Variants in CPNE7 observed in about 807,000 individuals in gnomAD.
CPNE7 encodes the protein copine-7.
CPNE7 carries 78 observed loss-of-function variants against 66.5 expected under a neutral mutation model. That is an observed-to-expected ratio of 1.17 (90% CI 0.98 to 1.42). The LOEUF is 1.42. Ranked by LOEUF, CPNE7 falls within the 40% of genes most tolerant of loss-of-function variation. CPNE7 has a pLI of 0.00. For synonymous variants in CPNE7, 468 were observed against 336.7 expected, an observed-to-expected ratio of 1.39 and a Z score of -4.27; for missense variants, 1,012 against 776.6, an observed-to-expected ratio of 1.30 and a Z score of -3.60.
intron 3 of CPNE7, 53 bp downstream of exon 3, chr16:89,583,824 A>C: frequency 6.3e-7 from 1 of 1,596,882 alleles, no homozygotes; most frequent in South Asian, 1.1e-5. Context: ...TGTGGCTCCG[A>C]GGGGTGTTGT....
Position 89,586,758 on chromosome 16 carries a change from TGA to T in CPNE7, c.867+6_867+7del, listed in dbSNP as rs776150731. 1.9e-6 allele frequency: 3 copies of T among 1,611,016 alleles called. No individual in the cohort carries two copies. In the African/African-American group the frequency reaches 4.0e-5, roughly 22 times the overall value. ...GTGGTCGTCCTGGCTGACCTCAAGGTGAGAGGTGGCTGTGCCCGAAGCCTCCC... is the reference window on the plus strand; with the variant it reads ...GTGGTCGTCCTGGCTGACCTCAAGGTGAGGTGGCTGTGCCCGAAGCCTCCC... On this transcript the variant is annotated splice_donor_region_variant and intron_variant, in intron 8 of 14. Transcript: ENST00000319518.
At chr16:89,593,203 A>T (rs903174334) in intron 13 of CPNE7, among the ~76,000 whole-genome samples, 1 of 152,118 alleles carries the variant, frequency 6.6e-6, no homozygotes, top group Non-Finnish European at 1.5e-5. Context: ...TCTTCAAGCC[A>T]AATGGGAACC....
At chr16:89,590,353 C>T (rs988170064) in intron 11 of CPNE7, among the ~76,000 whole-genome samples, 25 of 152,004 alleles carry the variant, frequency 1.6e-4, no homozygotes, top group African/African-American at 6.0e-4. Context: ...GGTGAAACCC[C>T]ATCTCTACCA....
intron 6 of CPNE7, 66 bp from the exon 7 acceptor site, chr16:89,585,621 C>G: frequency 6.5e-7 from 1 of 1,542,312 alleles, no homozygotes; most frequent in African/African-American, 1.4e-5. Context: ...ATGGAGACAC[C>G]TGGGCTCGGG....
intron 1 of CPNE7, among the ~76,000 whole-genome samples, chr16:89,576,748 G>A (rs1236579696): frequency 6.6e-6 from 1 of 152,200 alleles, no homozygotes; most frequent in African/African-American, 2.4e-5. Flanking sequence ...CTTTTCCCCG[G>A]CGCAGGGGTC....
chr16:89,577,674 T>G lies in CPNE7; in HGVS notation c.310T>G (p.Cys104Gly). The G allele has an allele frequency of 6.2e-7, 1 of 1,601,088 alleles. No individual in the cohort carries two copies. The highest frequency in any genetic ancestry group is 8.5e-7 in the Non-Finnish European group (1 of 1,174,150). ...CACGCATGGGCCCAGCGGCTTCAGCTGTCAGGAGGACGATTTCCTGGGGGG... is the reference window on the plus strand; with the variant it reads ...CACGCATGGGCCCAGCGGCTTCAGCGGTCAGGAGGACGATTTCCTGGGGGG... ...YDTHGPSGFS[C>G]QEDDFLGGME... The change falls in exon 2 of 15, where the codon TGT becomes GGT. Residue 104 changes from cysteine (C) to glycine (G), a missense_variant. Coordinates refer to ENST00000319518, the MANE Select transcript of CPNE7 (RefSeq NM_153636.3).
At position 89,586,718 on chromosome 16, in the gene CPNE7, T is replaced by C. The variant is rs199523884; in HGVS notation, c.829T>C (p.Tyr277His). 1.2e-5 allele frequency: 19 copies of C among 1,612,332 alleles called. No homozygotes were observed. In the East Asian group the frequency reaches 4.2e-4, roughly 36 times the overall value. Residue 277 changes from tyrosine (Y) to histidine (H), a missense_variant, in exon 8 of 15, where the codon TAT becomes CAT. By Grantham distance (83) the Tyr-to-His change is moderately conservative (BLOSUM62 2). Coordinates refer to ENST00000319518, the MANE Select transcript of CPNE7 (RefSeq NM_153636.3). ...NPKYKQKRRS[Y>H]KNSGVVVLAD... ...CAAATACAAGCAGAAGAGACGCAGTTATAAGAACTCAGGAGTGGTCGTCCT... is the reference window on the plus strand; with the variant it reads ...CAAATACAAGCAGAAGAGACGCAGTCATAAGAACTCAGGAGTGGTCGTCCT...
intron 10 of CPNE7, 138 bp from the exon 11 acceptor site, chr16:89,589,759 C>A: frequency 1.2e-6 from 1 of 857,354 alleles, no homozygotes; most frequent in South Asian, 1.6e-5. Flanking sequence ...TTCCCCACCT[C>A]TGGCAGGTGC....
chr16:89,596,422 G>A, intron 14 of CPNE7, 62 bp from the exon 15 acceptor site: 1 of 1,549,070 alleles, frequency 6.5e-7, no homozygotes, highest in Non-Finnish European at 8.7e-7. Context: ...TAATCCAGTT[G>A]CAGGGACGGA....
rs2059011959 is a variant in CPNE7 at position 89,584,916 on chromosome 16, A to G, written c.591+59A>G. ...AAGGGGCTGTCCCCAGCCCTCACGC[A>G]TCTCTGGCCACATGGGAGGAGCTCC... On this transcript the variant is annotated intron_variant, in intron 5 of 14. Transcript: ENST00000319518. The surrounding 1 kb of genome is among the most constrained non-coding windows in gnomAD (Gnocchi z 6.0). 1.4e-6 allele frequency: 2 copies of G among 1,454,222 alleles called. No homozygotes were observed. Among genetic ancestry groups the G allele is most frequent in the Non-Finnish European group, 1.9e-6 (2 of 1,041,714 alleles). The allele number at this position is 1,454,222 out of a possible 1,614,324, so 90.1% of individuals were successfully genotyped here.
rs2059024737 is a variant in CPNE7 at position 89,585,716 on chromosome 16, A to T, written c.711A>T (p.Gly237=). The T allele has an allele frequency of 1.3e-6, 2 of 1,550,378 alleles. No individual in the cohort carries two copies. Among genetic ancestry groups the T allele is most frequent in the African/African-American group, 2.8e-5 (2 of 72,050 alleles). ...TGGTCTGGGATTACGACTCTCGAGG[A>T]AAGCACGACTTCATCGGAGAATTCT... ...KCLVWDYDSR[G]KHDFIGEFST... The change falls in exon 7 of 15, where the codon GGA becomes GGT. Residue 237 remains glycine, a synonymous_variant. Transcript: ENST00000319518.
chr16:89,580,832 GTCACCCATCACACGGAACATCCCA>G (rs1567953335), intron 2 of CPNE7, among the ~76,000 whole-genome samples: 19 of 114,092 alleles, frequency 1.7e-4, no homozygotes, highest in African/African-American at 5.2e-4. Context: ...GGAACATCCC[GTCACCCATCACACGGAACATCCCA>G]TCACCCGTCA....
chr16:89,595,224 G>A (rs958922261), intron 13 of CPNE7, 143 bp from the exon 14 acceptor site: 1 of 647,132 alleles, frequency 1.5e-6, no homozygotes, highest in African/African-American at 1.8e-5. Context: ...TGATGTTTGT[G>A]ATGTAGGCAT....
At chr16:89,595,653 C>G in intron 14 of CPNE7, 50 bp downstream of exon 14, 1 of 1,494,810 alleles carries the variant, frequency 6.7e-7, no homozygotes, top group South Asian at 1.2e-5. Context: ...GGTCCCTGTT[C>G]ATGTCACTGC....
At chr16:89,576,220 G>C (rs1335499600) in intron 1 of CPNE7, 149 bp downstream of exon 1, 8 of 563,790 alleles carry the variant, frequency 1.4e-5, no homozygotes, top group Non-Finnish European at 2.1e-5. Context: ...TCAGGGTTGG[G>C]GGTTACCAGG....
At position 89,584,822 on chromosome 16, in the gene CPNE7, G is replaced by A. The variant is rs746768725; in HGVS notation, c.556G>A (p.Asp186Asn). The A allele has an allele frequency of 1.1e-5, 17 of 1,613,514 alleles. No homozygotes were observed. Among genetic ancestry groups the A allele is most frequent in the Non-Finnish European group, 1.4e-5 (16 of 1,179,958 alleles). Residue 186 changes from aspartate to asparagine, a missense_variant, in exon 5 of 15, where the codon GAC becomes AAC. Transcript: ENST00000319518. The surrounding 1 kb of genome is among the most constrained non-coding windows in gnomAD (Gnocchi z 6.0). ...DPFLELYRVN[D>N]DQGLQLVYRT... ...CTTCCTGGAGCTCTACAGGGTCAAC[G>A]ACGACCAGGGCTTGCAGCTGGTGTA...
Position 89,588,796 on chromosome 16 carries a change from A to C in CPNE7, c.1049A>C (p.Gln350Pro). The C allele has an allele frequency of 6.2e-7, 1 of 1,613,508 alleles. No homozygotes were observed. The highest frequency in any genetic ancestry group is 2.2e-5 in the East Asian group (1 of 44,888). The change falls in exon 10 of 15, where the codon CAG becomes CCG. Residue 350 changes from glutamine to proline, a missense_variant. Gln to Pro is a moderately conservative substitution (Grantham distance 76, BLOSUM62 -1). Coordinates refer to ENST00000319518, the MANE Select transcript of CPNE7 (RefSeq NM_153636.3). ...KALVSVGEIC[Q>P]DYDSDKRFSA... is the part of the protein sequence containing the mutation. ...CTGGTGTCCGTGGGCGAGATCTGCC[A>C]GGACTATGACAGGTGCGCCCACCAC...
At chr16:89,582,089 T>C (rs931310514) in intron 2 of CPNE7, among the ~76,000 whole-genome samples, 2 of 152,266 alleles carry the variant, frequency 1.3e-5, no homozygotes, top group Non-Finnish European at 2.9e-5. Context: ...ACGTGTGCTG[T>C]GGATATGTGC....
intron 2 of CPNE7, chr16:89,583,381 C>A: frequency 6.8e-7 from 1 of 1,480,118 alleles, no homozygotes; most frequent in Non-Finnish European, 9.2e-7. Flanking sequence ...CAGGTGCAGG[C>A]CAGCTGGGCT....
Sources: gnomAD v4.1 joint callset for allele counts (sites outside exome capture counted in the v4.1 genomes callset) on GRCh38, gnomAD v4.1.1 for gene constraint, Gnocchi (gnomAD v3.1) non-coding constraint, MANE v1.5 for transcripts, NCBI Gene and HGNC (gene_info 2026-07-23, HGNC 2026-07-21) for gene names.